Variants in CELSR1 observed in about 807,000 individuals in gnomAD.
CELSR1 encodes adhesion G protein-coupled receptor C1.
CELSR1 carries 110 observed loss-of-function variants against 249.1 expected under a neutral mutation model. The ratio of observed to expected loss-of-function variants is 0.44; its 90% CI spans 0.38 to 0.52. The LOEUF is 0.52. Among genes scored for constraint, CELSR1 ranks in the 20% least tolerant of loss-of-function variants. CELSR1 has a pLI of 0.00. For missense variants in CELSR1, 4,109 were observed against 4,296.4 expected (o/e 0.96, Z 1.22); for synonymous variants, 2,113 against 1,900.0 (o/e 1.11, Z -2.92).
chr22:46,398,154 G>A lies in CELSR1; in HGVS notation c.5527-306C>T, dbSNP rs764638303. Among the ~76,000 whole-genome samples the A allele has an allele frequency of 1.4e-4, 22 of 152,146 alleles. No homozygotes were observed. The highest frequency in any genetic ancestry group is 4.6e-4 in the Admixed American group (7 of 15,292). ...CTGAACGACTCAGAGCAGCTCCCTC[G>A]GCCGTAGCTGGAACCCCTGGCTCCA... is the stretch of plus-strand genomic sequence containing the variant. On this transcript the variant is annotated intron_variant, in intron 11 of 34. Coordinates refer to ENST00000674500, the MANE Select transcript of CELSR1 (RefSeq NM_001378328.1). The surrounding 1 kb of genome is among the most constrained non-coding windows in gnomAD (Gnocchi z 7.2).
intron 23 of CELSR1, 60 bp downstream of exon 23, chr22:46,378,531 G>A (rs2078943009): frequency 6.6e-7 from 1 of 1,520,954 alleles, no homozygotes; most frequent in Non-Finnish European, 8.9e-7. Flanking sequence ...CAGGTTTGGG[G>A]GGGAGGGGCA....
chr22:46,463,055 G>A (rs2080050451), intron 2 of CELSR1: 1 of 324,874 alleles, frequency 3.1e-6, no homozygotes, highest in Admixed American at 5.0e-5. Context: ...TTCACCTGAG[G>A]GCCACTTAAA....
chr22:46,478,540 T>C (rs2080233386), intron 1 of CELSR1, among the ~76,000 whole-genome samples: 1 of 150,850 alleles, frequency 6.6e-6, no homozygotes, highest in African/African-American at 2.5e-5. Flanking sequence ...ACAATAAAGA[T>C]GAGAATTTTT....
intron 1 of CELSR1, among the ~76,000 whole-genome samples, chr22:46,525,173 G>C (rs1304995386): frequency 1.3e-5 from 2 of 152,230 alleles, no homozygotes; most frequent in Non-Finnish European, 2.9e-5. Flanking sequence ...TTACGGCTGG[G>C]CGTGGTGGCT....
chr22:46,413,047 C>T lies in CELSR1; in HGVS notation c.4612-1288G>A, dbSNP rs2079356828. On this transcript the variant is annotated intron_variant, in intron 5 of 34. Transcript: ENST00000674500. The surrounding 1 kb of genome is among the most constrained non-coding windows in gnomAD (Gnocchi z 4.7). ...ATAAAGGATGGGTTCGATGCCTCCT[C>T]CTGATAGTTCTGGGGTCAGTTTGAG... is the stretch of plus-strand genomic sequence containing the variant. Among the ~76,000 whole-genome samples the T allele has an allele frequency of 6.6e-6, 1 of 152,190 alleles. No individual in the cohort carries two copies. The highest frequency in any genetic ancestry group is 1.5e-5 in the Non-Finnish European group (1 of 68,036).
rs78510962 is a variant in CELSR1, at chr22:46,533,095, C to T, written c.3544+532G>A. On this transcript the variant is annotated intron_variant, in intron 1 of 34. Transcript: ENST00000674500. ...GCACAAAGCCCTACACACCTAAGCC[C>T]GACTGTTATTATCTGCAGGAGACAG... is the stretch of plus-strand genomic sequence containing the variant. Among the ~76,000 whole-genome samples the T allele has an allele frequency of 5.4e-3, 818 of 152,302 alleles. 9 individuals carry two copies. The highest frequency in any genetic ancestry group is 0.027 in the Middle Eastern group (8 of 294).
At chr22:46,432,489 A>G (rs1451209041) in intron 5 of CELSR1, among the ~76,000 whole-genome samples, 5 of 152,258 alleles carry the variant, frequency 3.3e-5, no homozygotes, top group African/African-American at 1.2e-4. Context: ...GGAGCCGGTA[A>G]GACCCACGCA....
chr22:46,367,519 A>G (rs2078798985), intron 28 of CELSR1, among the ~76,000 whole-genome samples: 1 of 152,186 alleles, frequency 6.6e-6, no homozygotes, highest in Non-Finnish European at 1.5e-5. Context: ...GCCTGGCACT[A>G]GGGTCATCGT....
At position 46,429,866 on chromosome 22, in the gene CELSR1, G is replaced by A. The variant is rs759427188; in HGVS notation, c.4611+3527C>T. ...TAGGACTAAGGGCCATCGCAGCTCCGCTGGCACTGCCTCCAGCCCTGGGTC... is the reference window on the plus strand; with the variant it reads ...TAGGACTAAGGGCCATCGCAGCTCCACTGGCACTGCCTCCAGCCCTGGGTC... On this transcript the variant is annotated intron_variant, in intron 5 of 34. Coordinates refer to ENST00000674500, the MANE Select transcript of CELSR1 (RefSeq NM_001378328.1). This position sits in a 1 kb window ranked among gnomAD's most constrained non-coding sequence, Gnocchi z 4.1. Among the ~76,000 whole-genome samples, 5 of 152,194 alleles carry A rather than the reference G, an allele frequency of 3.3e-5. No homozygotes were observed. Among genetic ancestry groups the A allele is most frequent in the Non-Finnish European group, 5.9e-5 (4 of 68,036 alleles).
chr22:46,516,500 G>A (rs1161352682), intron 1 of CELSR1, among the ~76,000 whole-genome samples: 1 of 151,812 alleles, frequency 6.6e-6, no homozygotes, highest in Non-Finnish European at 1.5e-5. Flanking sequence ...GGTTTTGGGG[G>A]GTTTTTTAAA....
chr22:46,530,778 G>A (rs1002580143), intron 1 of CELSR1, among the ~76,000 whole-genome samples: 1 of 152,168 alleles, frequency 6.6e-6, no homozygotes, highest in Non-Finnish European at 1.5e-5. Flanking sequence ...CCCCCACCAC[G>A]TGGGCCTTCC....
chr22:46,394,441 C>T (rs930697111), intron 13 of CELSR1, among the ~76,000 whole-genome samples, 179 bp from the exon 14 acceptor site: 1 of 152,148 alleles, frequency 6.6e-6, no homozygotes, highest in Non-Finnish European at 1.5e-5. Context: ...CCCAACCTCA[C>T]CCCCCACCCA....
chr22:46,529,175 A>G (rs1569221405), intron 1 of CELSR1, among the ~76,000 whole-genome samples: 3 of 151,332 alleles, frequency 2.0e-5, no homozygotes, highest in Admixed American at 1.3e-4. Context: ...CTGAGGCAGG[A>G]GAATGGTGTG....
At chr22:46,462,897 G>A (rs765700174) in intron 2 of CELSR1, 17 of 468,370 alleles carry the variant, frequency 3.6e-5, no homozygotes, top group Non-Finnish European at 7.1e-5. Context: ...CTTCAGAGGC[G>A]GGAGGATGAG....
At chr22:46,459,431 C>A (rs941361668) in intron 2 of CELSR1, among the ~76,000 whole-genome samples, 2 of 152,192 alleles carry the variant, frequency 1.3e-5, no homozygotes, top group Admixed American at 6.5e-5. Context: ...GCACAGAAGG[C>A]GCCTTTCACA....
rs754430606 is a variant in CELSR1, at chr22:46,394,228, T to C, written c.5878A>G (p.Asn1960Asp). 29 of 1,613,246 alleles carry C rather than the reference T, an allele frequency of 1.8e-5. No homozygotes were observed. The change falls in exon 14 of 35, where the codon AAC (asparagine) becomes GAC (aspartate). Residue 1960 changes from asparagine to aspartate, a missense_variant. By Grantham distance (23) the Asn-to-Asp change is conservative (BLOSUM62 1). Around this residue, in one of 7 missense-constraint regions of CELSR1, gnomAD observed 1,805 missense variants for 1,831.6 expected, o/e 0.99. Transcript: ENST00000674500. The part of the protein sequence containing the change: ...DLPCPRGWWG[N>D]PVCGPCHCAV... ...CAGTGGCAGGGTCCACAGACGGGGT[T>C]CCCCCACCAGCCTCTGGGGCACGGA...
At position 46,399,221 on chromosome 22, in the gene CELSR1, T is replaced by C. The variant is rs984781920; in HGVS notation, c.5412+496A>G. 7.9e-5 allele frequency among the ~76,000 whole-genome samples: 12 copies of C among 152,166 alleles called. No homozygotes were observed. The highest frequency in any genetic ancestry group is 5.9e-4 in the Admixed American group (9 of 15,276). On this transcript the variant is annotated intron_variant, in intron 10 of 34. Transcript: ENST00000674500. The surrounding 1 kb of genome is among the most constrained non-coding windows in gnomAD (Gnocchi z 5.0). ...ACTGTGGAAACCTAGTTTGGTTAAG[T>C]GTTCCGAACATTGTCTGGGATACCA...
chr22:46,533,267 CG>C (rs545921717), intron 1 of CELSR1, among the ~76,000 whole-genome samples: 4 of 152,146 alleles, frequency 2.6e-5, no homozygotes, highest in Non-Finnish European at 5.9e-5. Flanking sequence ...GGCTGGCTGA[CG>C]AAAGAGCATC....
chr22:46,367,503 G>A (rs1317344911), intron 28 of CELSR1, among the ~76,000 whole-genome samples: 1 of 152,218 alleles, frequency 6.6e-6, no homozygotes, highest in Non-Finnish European at 1.5e-5. Flanking sequence ...AAGTGGACTT[G>A]TGCTGGCCTG....
Sources: gnomAD v4.1 joint callset for allele counts (sites outside exome capture counted in the v4.1 genomes callset) on GRCh38, gnomAD v4.1.1 for gene constraint, gnomAD v4.1.1 regional missense constraint, Gnocchi (gnomAD v3.1) non-coding constraint, MANE v1.5 for transcripts, NCBI Gene and HGNC (gene_info 2026-07-23, HGNC 2026-07-21) for gene names.